NKAIN3: variants seen among roughly 807,000 people sequenced by gnomAD.
NKAIN3 encodes sodium/potassium-transporting ATPase subunit beta-1-interacting protein 3.
Under a neutral mutation model 30.2 loss-of-function variants are expected in NKAIN3, and 25 were observed. That is an observed-to-expected ratio of 0.83 (90% CI 0.60 to 1.16). The LOEUF is 1.16. Ranked by LOEUF, NKAIN3 falls within the 50% of genes most tolerant of loss-of-function variation. NKAIN3 has a pLI of 0.00. For missense variants in NKAIN3, 225 were observed against 254.1 expected, an observed-to-expected ratio of 0.89 and a Z score of 0.78; for synonymous variants, 91 against 89.6, an observed-to-expected ratio of 1.02 and a Z score of -0.09.
intron 1 of NKAIN3, among the ~76,000 whole-genome samples, chr8:62,299,740 A>T (rs1284196574): frequency 2.0e-5 from 3 of 152,082 alleles, no homozygotes; most frequent in African/African-American, 7.2e-5. Context: ...TATATAGTCT[A>T]CTAAAATAGG....
Position 62,360,087 on chromosome 8 carries a change from A to G in NKAIN3, c.54+110960A>G, listed in dbSNP as rs147112978. ...ATGCTCTTGTCTTGGAGGTGTTCCC[A>G]GGCTTCACCCCATGCAGCCACCCAA... On this transcript the variant is annotated intron_variant, in intron 1 of 6. Transcript: ENST00000623646. 3.2e-3 allele frequency among the ~76,000 whole-genome samples: 486 copies of G among 152,268 alleles called. 1 individual carries two copies. Among genetic ancestry groups the G allele is most frequent in the African/African-American group, 0.011 (465 of 41,558 alleles).
At chr8:62,366,295 C>T (rs6472017) in intron 1 of NKAIN3, among the ~76,000 whole-genome samples, 146,235 of 150,798 alleles carry the variant, frequency 0.97, 70,951 homozygotes, top group East Asian at 1. Flanking sequence ...GGTGTGATTT[C>T]GGCTCACCAC....
chr8:62,932,881 G>T (rs1052375682), intron 5 of NKAIN3, among the ~76,000 whole-genome samples: 4 of 151,980 alleles, frequency 2.6e-5, no homozygotes, highest in African/African-American at 9.7e-5. Context: ...GGGATTACAA[G>T]CACCCGGCTG....
At chr8:62,347,539 T>G in intron 1 of NKAIN3, among the ~76,000 whole-genome samples, 1 of 152,134 alleles carries the variant, frequency 6.6e-6, no homozygotes, top group South Asian at 2.1e-4. Flanking sequence ...AGTAGACATT[T>G]CCATGGAAAT....
intron 1 of NKAIN3, among the ~76,000 whole-genome samples, chr8:62,335,510 GC>G (rs1191212809): frequency 6.6e-6 from 1 of 151,304 alleles, no homozygotes; most frequent in Non-Finnish European, 1.5e-5. Flanking sequence ...AATTTAAGAA[GC>G]CGCTGGTAAA....
intron 4 of NKAIN3, among the ~76,000 whole-genome samples, chr8:62,854,871 C>A (rs1904571): frequency 6.6e-6 from 1 of 151,974 alleles, no homozygotes; most frequent in South Asian, 2.1e-4. Flanking sequence ...TTCCTTCATA[C>A]GCTCCTGTAA....
At chr8:62,763,176 G>A (rs377382984) in intron 4 of NKAIN3, among the ~76,000 whole-genome samples, 3 of 121,092 alleles carry the variant, frequency 2.5e-5, no homozygotes, top group Non-Finnish European at 3.2e-5. Flanking sequence ...AACCGAGATC[G>A]AGGCACTGAA....
At chr8:62,794,000 C>T (rs1164460614) in intron 4 of NKAIN3, among the ~76,000 whole-genome samples, 3 of 152,190 alleles carry the variant, frequency 2.0e-5, no homozygotes, top group African/African-American at 7.2e-5. Flanking sequence ...CATTTCTTTT[C>T]TACCTACTCA....
chr8:62,450,126 G>A (rs951096753), intron 1 of NKAIN3, among the ~76,000 whole-genome samples: 7 of 152,152 alleles, frequency 4.6e-5, no homozygotes, highest in Non-Finnish European at 7.3e-5. Flanking sequence ...AATCCATCTA[G>A]ATTTATCAAA....
At chr8:62,798,585 AC>A (rs1817948484) in intron 4 of NKAIN3, among the ~76,000 whole-genome samples, 2 of 151,860 alleles carry the variant, frequency 1.3e-5, no homozygotes, top group Non-Finnish European at 2.9e-5. Flanking sequence ...CAAAAAAAAA[AC>A]AACAAAAGAA....
chr8:62,621,996 C>T (rs1811630110), intron 3 of NKAIN3, among the ~76,000 whole-genome samples: 1 of 151,982 alleles, frequency 6.6e-6, no homozygotes, highest in Non-Finnish European at 1.5e-5. Context: ...AAAATGTATC[C>T]TACATGTCTA....
intron 4 of NKAIN3, among the ~76,000 whole-genome samples, chr8:62,800,096 A>C (rs962940541): frequency 6.6e-6 from 1 of 152,194 alleles, no homozygotes; most frequent in Non-Finnish European, 1.5e-5. Flanking sequence ...AATTGGGTAC[A>C]GTGTATACTG....
intron 4 of NKAIN3, among the ~76,000 whole-genome samples, chr8:62,812,624 G>T (rs988568772): frequency 4.0e-5 from 6 of 150,982 alleles, no homozygotes; most frequent in Non-Finnish European, 7.4e-5. Context: ...TTAATTCTTA[G>T]AATTTTTTCA....
intron 1 of NKAIN3, among the ~76,000 whole-genome samples, chr8:62,333,726 C>A (rs187117645): frequency 2.0e-5 from 3 of 152,214 alleles, no homozygotes; most frequent in Admixed American, 2.0e-4. Flanking sequence ...AAATAGACAT[C>A]ATTAAATGCT....
At chr8:62,925,103 C>A (rs1822397546) in intron 5 of NKAIN3, among the ~76,000 whole-genome samples, 1 of 152,178 alleles carries the variant, frequency 6.6e-6, no homozygotes, top group Non-Finnish European at 1.5e-5. Context: ...CAAACACCCT[C>A]TTCTCCATGC....
chr8:62,928,940 G>A (rs1299209181), intron 5 of NKAIN3, among the ~76,000 whole-genome samples: 1 of 152,186 alleles, frequency 6.6e-6, no homozygotes, highest in African/African-American at 2.4e-5. Flanking sequence ...GAGTTCTCCT[G>A]TCATTCAAGG....
At chr8:62,906,428 G>A (rs917350812) in intron 4 of NKAIN3, among the ~76,000 whole-genome samples, 4 of 152,210 alleles carry the variant, frequency 2.6e-5, no homozygotes, top group Non-Finnish European at 5.9e-5. Context: ...CCCATAGGCA[G>A]ACTTGGTGAA....
At chr8:62,821,238 C>T (rs2130731036) in intron 4 of NKAIN3, among the ~76,000 whole-genome samples, 2 of 152,196 alleles carry the variant, frequency 1.3e-5, no homozygotes, top group Admixed American at 1.3e-4. Flanking sequence ...GAATCTGTGG[C>T]AAAATTTTAC....
chr8:62,750,929 C>A (rs1816260616), intron 4 of NKAIN3, among the ~76,000 whole-genome samples: 1 of 152,074 alleles, frequency 6.6e-6, no homozygotes, highest in Non-Finnish European at 1.5e-5. Context: ...CCAGTAACCT[C>A]CTAAATAATC....
Sources: allele counts gnomAD v4.1 joint callset (sites outside exome capture counted in the v4.1 genomes callset), GRCh38; gene constraint gnomAD v4.1.1; transcripts MANE v1.5; gene names NCBI Gene and HGNC (gene_info 2026-07-23, HGNC 2026-07-21).